Variants in CTTNBP2 observed in about 807,000 individuals in gnomAD.
CTTNBP2 encodes the protein cortactin-binding protein 2.
Under a neutral mutation model 156.9 loss-of-function variants are expected in CTTNBP2, and 108 were observed. The observed-to-expected ratio is 0.69, with a 90% confidence interval of 0.59 to 0.81. CTTNBP2 has a LOEUF of 0.81. Ranked by LOEUF, CTTNBP2 falls within the 30% of genes least tolerant of loss-of-function variation. The pLI, the probability that CTTNBP2 is intolerant of heterozygous loss-of-function variation, is 0.00. For missense variants in CTTNBP2, 1,924 were observed against 2,035.4 expected, an observed-to-expected ratio of 0.95 and a Z score of 1.05; for synonymous variants, 767 against 751.8, an observed-to-expected ratio of 1.02 and a Z score of -0.33.
At chr7:117,795,425 G>A (rs574448907) in intron 3 of CTTNBP2, among the ~76,000 whole-genome samples, 3 of 152,148 alleles carry the variant, frequency 2.0e-5, no homozygotes, top group East Asian at 1.9e-4. Flanking sequence ...CCAGTTTTCC[G>A]CTATTAAAAT....
chr7:117,722,912 G>C (rs1794883949), intron 19 of CTTNBP2, among the ~76,000 whole-genome samples: 1 of 152,144 alleles, frequency 6.6e-6, no homozygotes, highest in Admixed American at 6.5e-5. Context: ...GTGCCCAAGG[G>C]TTTCTGAACC....
At chr7:117,847,855 C>CAGAGTCTT (rs1802694967) in intron 2 of CTTNBP2, among the ~76,000 whole-genome samples, 1 of 92,342 alleles carries the variant, frequency 1.1e-5, no homozygotes, top group Non-Finnish European at 1.9e-5. Flanking sequence ...TTTTTTGAGA[C>CAGAGTCTT]AGAGTCTTGC....
intron 4 of CTTNBP2, among the ~76,000 whole-genome samples, chr7:117,785,823 G>C (rs1798676509): frequency 6.6e-6 from 1 of 152,106 alleles, no homozygotes; most frequent in Non-Finnish European, 1.5e-5. Context: ...ACATCCTTTT[G>C]CATGTGTGTG....
At chr7:117,714,317 C>CA in intron 22 of CTTNBP2, 1 of 152,292 alleles carries the variant, frequency 6.6e-6, no homozygotes. Flanking sequence ...GTTAAGTCCG[C>CA]AAAATGGGAC....
At position 117,790,274 on chromosome 7, in the gene CTTNBP2, C is replaced by A. The variant is rs562852305; in HGVS notation, c.2068+854G>T. Reference sequence around the variant, plus strand: ...TTTGGAATCCAGTCTCTGCCATTTACAATTATGTATTTTTGGTAACATTAC... The same window carrying A: ...TTTGGAATCCAGTCTCTGCCATTTAAAATTATGTATTTTTGGTAACATTAC... On this transcript the variant is annotated intron_variant, in intron 4 of 22. Coordinates refer to ENST00000160373, the MANE Select transcript of CTTNBP2 (RefSeq NM_033427.3). 2.0e-5 allele frequency among the ~76,000 whole-genome samples: 3 copies of A among 152,314 alleles called. No homozygotes were observed. In the East Asian group the frequency reaches 5.8e-4, roughly 29 times the overall value.
chr7:117,786,686 T>C (rs1205694508), intron 4 of CTTNBP2, among the ~76,000 whole-genome samples: 1 of 152,226 alleles, frequency 6.6e-6, no homozygotes, highest in Non-Finnish European at 1.5e-5. Context: ...AATACCAATA[T>C]ATGTAAATGG....
intron 2 of CTTNBP2, among the ~76,000 whole-genome samples, chr7:117,820,699 C>T (rs1800907057): frequency 6.6e-6 from 1 of 152,124 alleles, no homozygotes; most frequent in African/African-American, 2.4e-5. Flanking sequence ...GACTCTATTT[C>T]TGGATTCTTT....
At chr7:117,756,116 T>C (rs753333810) in intron 12 of CTTNBP2, among the ~76,000 whole-genome samples, 1 of 152,216 alleles carries the variant, frequency 6.6e-6, no homozygotes, top group Non-Finnish European at 1.5e-5. Flanking sequence ...CTATCCTGTT[T>C]AAGCTGTAAT....
chr7:117,752,837 T>C (rs1700440972), intron 12 of CTTNBP2, among the ~76,000 whole-genome samples: 1 of 152,198 alleles, frequency 6.6e-6, no homozygotes, highest in African/African-American at 2.4e-5. Flanking sequence ...ACCTGTAAAA[T>C]CTAACTTGTA....
intron 1 of CTTNBP2, among the ~76,000 whole-genome samples, chr7:117,862,446 A>G (rs1803829543): frequency 6.6e-6 from 1 of 152,056 alleles, no homozygotes; most frequent in African/African-American, 2.4e-5. Flanking sequence ...TGAATATACC[A>G]TTGACTCTCG....
At chr7:117,798,355 T>C (rs899994324) in intron 3 of CTTNBP2, among the ~76,000 whole-genome samples, 1 of 152,106 alleles carries the variant, frequency 6.6e-6, no homozygotes, top group Non-Finnish European at 1.5e-5. Flanking sequence ...ACCAAACCAA[T>C]AGATTTCGAA....
intron 2 of CTTNBP2, among the ~76,000 whole-genome samples, chr7:117,821,796 T>C (rs1212045401): frequency 6.6e-6 from 1 of 152,124 alleles, no homozygotes; most frequent in Non-Finnish European, 1.5e-5. Context: ...TTCACTGTGT[T>C]AGCCAGGATG....
At chr7:117,829,483 A>G (rs1801479197) in intron 2 of CTTNBP2, among the ~76,000 whole-genome samples, 1 of 152,220 alleles carries the variant, frequency 6.6e-6, no homozygotes, top group Non-Finnish European at 1.5e-5. Flanking sequence ...AGTTCAGACT[A>G]AAGGTACTCA....
intron 3 of CTTNBP2, among the ~76,000 whole-genome samples, chr7:117,807,688 G>A (rs566236047): frequency 2.0e-5 from 3 of 152,286 alleles, no homozygotes; most frequent in Admixed American, 2.0e-4. Flanking sequence ...GACCTGGGGA[G>A]GGACCACTCA....
intron 3 of CTTNBP2, among the ~76,000 whole-genome samples, chr7:117,793,146 A>C (rs1439575623): frequency 6.6e-6 from 1 of 152,232 alleles, no homozygotes; most frequent in African/African-American, 2.4e-5. Flanking sequence ...ATTTTTAAAA[A>C]AGGTTTAATG....
chr7:117,838,602 T>C (rs571541166), intron 2 of CTTNBP2, among the ~76,000 whole-genome samples: 1 of 152,162 alleles, frequency 6.6e-6, no homozygotes, highest in Non-Finnish European at 1.5e-5. Flanking sequence ...TTAATAGACA[T>C]GAATTCAGTC....
chr7:117,841,777 A>G (rs1802292923), intron 2 of CTTNBP2, among the ~76,000 whole-genome samples: 1 of 152,244 alleles, frequency 6.6e-6, no homozygotes, highest in Non-Finnish European at 1.5e-5. Flanking sequence ...TCATCAGATA[A>G]AAGATTACTT....
intron 3 of CTTNBP2, among the ~76,000 whole-genome samples, chr7:117,801,880 T>A (rs1799626445): frequency 6.6e-6 from 1 of 152,136 alleles, no homozygotes; most frequent in Non-Finnish European, 1.5e-5. Context: ...AAATTAAAAG[T>A]TTGGAAAATG....
At chr7:117,813,518 A>C (rs901660675) in intron 2 of CTTNBP2, among the ~76,000 whole-genome samples, 6 of 152,120 alleles carry the variant, frequency 3.9e-5, no homozygotes, top group African/African-American at 1.2e-4. Context: ...TTCCCTATTG[A>C]ACAGGACCTG....
Sources: gnomAD v4.1 joint callset for allele counts (sites outside exome capture counted in the v4.1 genomes callset) on GRCh38, gnomAD v4.1.1 for gene constraint, MANE v1.5 for transcripts, NCBI Gene and HGNC (gene_info 2026-07-23, HGNC 2026-07-21) for gene names.